Variants in DDX10 observed in about 807,000 individuals in gnomAD.
DDX10 encodes DEAD-box helicase 10.
In DDX10, 74 loss-of-function variants were observed where a neutral mutation model predicts 104.3. The ratio of observed to expected loss-of-function variants is 0.71; its 90% CI spans 0.59 to 0.86. The LOEUF (loss-of-function observed/expected upper bound fraction) is 0.86. Ranked by LOEUF, DDX10 falls within the 40% of genes least tolerant of loss-of-function variation. The pLI is 0.00. For synonymous variants in DDX10, 351 were observed against 353.4 expected (o/e 0.99, Z 0.08); for missense variants, 952 against 1,040.0 (o/e 0.92, Z 1.16).
At chr11:108,903,544 A>G (rs911489997) in intron 16 of DDX10, among the ~76,000 whole-genome samples, 3 of 152,194 alleles carry the variant, frequency 2.0e-5, no homozygotes, top group Non-Finnish European at 4.4e-5. Context: ...CCTAAACAAT[A>G]CAGTGTAAGA....
At chr11:108,759,549 G>A (rs2094348241) in intron 13 of DDX10, among the ~76,000 whole-genome samples, 1 of 151,890 alleles carries the variant, frequency 6.6e-6, no homozygotes, top group African/African-American at 2.4e-5. Flanking sequence ...TCTAGAATGT[G>A]CATTTAGATT....
chr11:108,929,652 T>A (rs1863951933), intron 17 of DDX10: 1 of 152,074 alleles, frequency 6.6e-6, no homozygotes, highest in Non-Finnish European at 1.5e-5. Flanking sequence ...GAAATTCTCA[T>A]AAGAACAGAA....
At chr11:108,816,486 T>G (rs563753115) in intron 13 of DDX10, among the ~76,000 whole-genome samples, 1 of 152,218 alleles carries the variant, frequency 6.6e-6, no homozygotes, top group African/African-American at 2.4e-5. Context: ...ATATCCAGAC[T>G]CTACCACATT....
intron 14 of DDX10, among the ~76,000 whole-genome samples, chr11:108,839,430 G>A (rs527610242): frequency 2.6e-5 from 4 of 152,220 alleles, no homozygotes; most frequent in Admixed American, 2.0e-4. Flanking sequence ...TGAGAGGAAG[G>A]TATTTTGTTG....
chr11:108,704,445 C>T (rs1156495347), intron 9 of DDX10, among the ~76,000 whole-genome samples: 8 of 152,152 alleles, frequency 5.3e-5, no homozygotes, highest in East Asian at 1.9e-4. Flanking sequence ...GCCTCAAGGG[C>T]GTTTTGGAAG....
chr11:108,687,457 A>T (rs572722668), intron 6 of DDX10, among the ~76,000 whole-genome samples: 3 of 152,036 alleles, frequency 2.0e-5, no homozygotes, highest in Non-Finnish European at 2.9e-5. Flanking sequence ...CTATAGGCAC[A>T]TGCCACCATG....
chr11:108,724,916 A>G (rs936508785), intron 13 of DDX10, among the ~76,000 whole-genome samples: 5 of 152,064 alleles, frequency 3.3e-5, no homozygotes, highest in Non-Finnish European at 5.9e-5. Context: ...AGTTTTGGCA[A>G]ATGTATGGTG....
intron 16 of DDX10, among the ~76,000 whole-genome samples, chr11:108,904,438 C>T (rs143198915): frequency 5.3e-5 from 8 of 152,246 alleles, no homozygotes; most frequent in Non-Finnish European, 1.2e-4. Context: ...TTTTCACATT[C>T]TACTGGATTC....
rs563500771 is a variant in DDX10 at position 108,774,331 on chromosome 11, G to C, written c.1965+50869G>C. 7.2e-5 allele frequency among the ~76,000 whole-genome samples: 11 copies of C among 152,292 alleles called. No individual in the cohort carries two copies. The South Asian group carries it at 2.3e-3, about 32-fold the overall frequency. On this transcript the variant is annotated intron_variant, in intron 13 of 17. Transcript: ENST00000322536. ...GCAATTTTCTTTACACTGCTGAGTT[G>C]TTTACCATTGTTCGTCCTTTTAACA...
chr11:108,778,716 C>A (rs933250619), intron 13 of DDX10, among the ~76,000 whole-genome samples: 6 of 152,182 alleles, frequency 3.9e-5, no homozygotes, highest in African/African-American at 1.2e-4. Context: ...AACTAAAGAG[C>A]TTCTGCATAG....
intron 6 of DDX10, among the ~76,000 whole-genome samples, chr11:108,679,936 A>G (rs775975775): frequency 6.6e-6 from 1 of 152,206 alleles, no homozygotes; most frequent in Non-Finnish European, 1.5e-5. Flanking sequence ...TTTCAGGGAC[A>G]TTGTGATTGT....
chr11:108,862,561 G>C (rs1172026384), intron 16 of DDX10, among the ~76,000 whole-genome samples: 1 of 152,192 alleles, frequency 6.6e-6, no homozygotes, highest in Non-Finnish European at 1.5e-5. Flanking sequence ...GTTCCAAGAA[G>C]TGTGATGTTT....
At chr11:108,713,368 G>A (rs1418737681) in intron 10 of DDX10, among the ~76,000 whole-genome samples, 2 of 152,084 alleles carry the variant, frequency 1.3e-5, no homozygotes, top group African/African-American at 2.4e-5. Flanking sequence ...AAGTTCTGTT[G>A]TGTTGTTTTC....
At chr11:108,816,255 G>A (rs908469192) in intron 13 of DDX10, among the ~76,000 whole-genome samples, 21 of 152,148 alleles carry the variant, frequency 1.4e-4, no homozygotes, top group Admixed American at 1.0e-3. Flanking sequence ...GGCAAATTTA[G>A]TAAGACCTTT....
At chr11:108,763,227 T>C (rs538447216) in intron 13 of DDX10, among the ~76,000 whole-genome samples, 1 of 152,298 alleles carries the variant, frequency 6.6e-6, no homozygotes, top group South Asian at 2.1e-4. Context: ...CTGTGCGCTG[T>C]AGCAGTAATA....
At chr11:108,934,438 G>A (rs999326817) in intron 17 of DDX10, among the ~76,000 whole-genome samples, 4 of 152,144 alleles carry the variant, frequency 2.6e-5, no homozygotes, top group African/African-American at 9.7e-5. Context: ...AGGCTAAAAT[G>A]CATATTTTTA....
At chr11:108,800,220 G>A (rs1419767303) in intron 13 of DDX10, among the ~76,000 whole-genome samples, 1 of 150,014 alleles carries the variant, frequency 6.7e-6, no homozygotes, top group African/African-American at 2.5e-5. Flanking sequence ...GAGACAGGCG[G>A]ATCACGAGGT....
chr11:108,914,652 C>A (rs1441235240), intron 16 of DDX10, among the ~76,000 whole-genome samples: 2 of 151,990 alleles, frequency 1.3e-5, no homozygotes, highest in Non-Finnish European at 2.9e-5. Context: ...AAATATTAGA[C>A]ATGGAATTAA....
intron 13 of DDX10, among the ~76,000 whole-genome samples, chr11:108,752,617 G>T (rs1565267895): frequency 1.3e-5 from 2 of 152,110 alleles, no homozygotes; most frequent in Admixed American, 6.6e-5. Context: ...GAACAATTTT[G>T]TTGTTCTGGT....
Sources: allele counts gnomAD v4.1 joint callset (sites outside exome capture counted in the v4.1 genomes callset), GRCh38; gene constraint gnomAD v4.1.1; transcripts MANE v1.5; gene names NCBI Gene and HGNC (gene_info 2026-07-23, HGNC 2026-07-21).